Variants in LRMDA observed in about 807,000 individuals in gnomAD.
LRMDA encodes the protein leucine-rich melanocyte differentiation-associated protein.
Under a neutral mutation model 29.8 loss-of-function variants are expected in LRMDA, and 18 were observed. The observed-to-expected ratio is 0.60, with a 90% CI of 0.42 to 0.90. The LOEUF is 0.90. Among genes scored for constraint, LRMDA ranks in the 40% least tolerant of loss-of-function variants. The pLI is 0.00. For synonymous variants in LRMDA, 125 were observed against 109.4 expected (o/e 1.14, Z -0.89); for missense variants, 273 against 273.9 (o/e 1.00, Z 0.02).
At chr10:75,513,032 T>C (rs1845244113) in intron 2 of LRMDA, among the ~76,000 whole-genome samples, 1 of 152,136 alleles carries the variant, frequency 6.6e-6, no homozygotes, top group Non-Finnish European at 1.5e-5. Context: ...GTAGAGAGAA[T>C]CAGAATTGTT....
intron 5 of LRMDA, among the ~76,000 whole-genome samples, chr10:76,249,619 G>A (rs1207517203): frequency 6.6e-6 from 1 of 152,164 alleles, no homozygotes; most frequent in Non-Finnish European, 1.5e-5. Flanking sequence ...TTCACCTTCT[G>A]ACAAGTTTTA....
At chr10:76,454,189 A>G (rs913113865) in intron 6 of LRMDA, among the ~76,000 whole-genome samples, 2 of 152,226 alleles carry the variant, frequency 1.3e-5, no homozygotes, top group African/African-American at 4.8e-5. Context: ...TCTGGTACAC[A>G]TAAATAGTTC....
intron 2 of LRMDA, among the ~76,000 whole-genome samples, chr10:75,785,351 G>A (rs919323326): frequency 1.8e-5 from 1 of 55,448 alleles, no homozygotes; most frequent in African/African-American, 1.0e-4. Flanking sequence ...GAACGGGTGT[G>A]GAGGAGCAAA....
intron 2 of LRMDA, among the ~76,000 whole-genome samples, chr10:75,969,561 G>A (rs553780398): frequency 6.6e-6 from 1 of 152,318 alleles, no homozygotes; most frequent in African/African-American, 2.4e-5. Flanking sequence ...ATCAATTTAT[G>A]TTCACAAGCT....
intron 2 of LRMDA, among the ~76,000 whole-genome samples, chr10:75,664,052 G>A (rs913317391): frequency 1.3e-5 from 2 of 152,166 alleles, no homozygotes; most frequent in Admixed American, 6.5e-5. Flanking sequence ...AGTCCGTAAA[G>A]TTTACTTTGG....
intron 5 of LRMDA, among the ~76,000 whole-genome samples, chr10:76,072,063 A>G (rs767031189): frequency 6.6e-6 from 1 of 152,250 alleles, no homozygotes; most frequent in Non-Finnish European, 1.5e-5. Flanking sequence ...TTTTTATTAA[A>G]ATGGTTAGAC....
chr10:75,726,236 A>G (rs757859212), intron 2 of LRMDA, among the ~76,000 whole-genome samples: 4 of 152,176 alleles, frequency 2.6e-5, no homozygotes, highest in Non-Finnish European at 4.4e-5. Context: ...ATTCATAAGG[A>G]GAAGAACGAA....
rs773170099 is a variant in LRMDA, at chr10:76,462,092, C to CAA, written c.602-95113_602-95112dup. Among the ~76,000 whole-genome samples the CAA allele has an allele frequency of 8.9e-5, 13 of 145,706 alleles. No individual in the cohort carries two copies. In the South Asian group the frequency reaches 2.2e-3, roughly 24 times the overall value. ...AAAAAAAAAACCACACACACACACA[C>CAA]AAAAACAACAACAACCAAAAAAACC... On this transcript the variant is annotated intron_variant, in intron 6 of 6. Coordinates refer to ENST00000611255, the MANE Select transcript of LRMDA (RefSeq NM_001305581.2).
intron 2 of LRMDA, among the ~76,000 whole-genome samples, chr10:75,826,813 T>A (rs1050112782): frequency 6.6e-6 from 1 of 152,242 alleles, no homozygotes; most frequent in African/African-American, 2.4e-5. Flanking sequence ...TGATGTTTTG[T>A]CTGACATCTC....
chr10:75,518,641 C>CA (rs1845322459), intron 2 of LRMDA, among the ~76,000 whole-genome samples: 1 of 151,978 alleles, frequency 6.6e-6, no homozygotes, highest in Non-Finnish European at 1.5e-5. Context: ...TTGATCTTTT[C>CA]AAAAAACCAG....
chr10:76,142,852 C>A (rs1286960996), intron 5 of LRMDA, among the ~76,000 whole-genome samples: 1 of 151,522 alleles, frequency 6.6e-6, no homozygotes, highest in Admixed American at 6.6e-5. Flanking sequence ...TCCCCCTACC[C>A]AACAACAGTC....
intron 2 of LRMDA, among the ~76,000 whole-genome samples, chr10:75,656,878 C>G (rs1841682283): frequency 6.6e-6 from 1 of 152,152 alleles, no homozygotes; most frequent in Admixed American, 6.5e-5. Flanking sequence ...GTTGACAACT[C>G]TAAGTGCAAG....
chr10:76,512,534 A>G (rs118182352), intron 6 of LRMDA, among the ~76,000 whole-genome samples: 1,763 of 152,306 alleles, frequency 0.012, 16 homozygotes, highest in Non-Finnish European at 0.02. Flanking sequence ...GTACTCATAA[A>G]TAAAGTTTCA....
At chr10:76,306,891 A>G (rs1475890547) in intron 5 of LRMDA, among the ~76,000 whole-genome samples, 1 of 152,182 alleles carries the variant, frequency 6.6e-6, no homozygotes, top group Non-Finnish European at 1.5e-5. Context: ...TAGTTGCTTG[A>G]CACATGCTAA....
intron 3 of LRMDA, among the ~76,000 whole-genome samples, chr10:76,038,666 C>T (rs1848292277): frequency 6.6e-6 from 1 of 152,172 alleles, no homozygotes; most frequent in South Asian, 2.1e-4. Context: ...CTTCTGATGC[C>T]ACTTTTTCAG....
At chr10:76,426,884 T>G (rs1842132279) in intron 6 of LRMDA, among the ~76,000 whole-genome samples, 1 of 152,228 alleles carries the variant, frequency 6.6e-6, no homozygotes, top group Non-Finnish European at 1.5e-5. Flanking sequence ...TCTTGTTTTT[T>G]GTCAGGTTTG....
intron 2 of LRMDA, among the ~76,000 whole-genome samples, chr10:75,697,834 A>AGTGT (rs377639647): frequency 1.7e-4 from 23 of 132,140 alleles, no homozygotes; most frequent in East Asian, 6.6e-4. Context: ...TGCATGTAAG[A>AGTGT]GTGTGTGTGT....
intron 2 of LRMDA, among the ~76,000 whole-genome samples, chr10:75,897,650 A>G (rs934609822): frequency 2.0e-5 from 3 of 152,198 alleles, no homozygotes; most frequent in African/African-American, 7.2e-5. Context: ...CAGTGGTTAC[A>G]TAGTTCACTT....
intron 6 of LRMDA, among the ~76,000 whole-genome samples, chr10:76,416,651 C>T (rs1360690574): frequency 6.6e-6 from 1 of 152,166 alleles, no homozygotes; most frequent in Non-Finnish European, 1.5e-5. Context: ...TGACATGTAA[C>T]TTCTAAGGGT....
Sources: allele counts gnomAD v4.1 joint callset (sites outside exome capture counted in the v4.1 genomes callset), GRCh38; gene constraint gnomAD v4.1.1; transcripts MANE v1.5; gene names NCBI Gene and HGNC (gene_info 2026-07-23, HGNC 2026-07-21).